DLG2: variants seen among roughly 807,000 people sequenced by gnomAD.
DLG2 encodes the protein disks large homolog 2.
DLG2 carries 45 observed loss-of-function variants against 132.5 expected under a neutral mutation model. The ratio of observed to expected loss-of-function variants is 0.34; its 90% CI spans 0.27 to 0.44. The LOEUF (loss-of-function observed/expected upper bound fraction) is 0.44. DLG2 is among the 20% of genes least tolerant of loss of function. DLG2 has a pLI of 1.00. For missense variants in DLG2, 1,045 were observed against 1,196.9 expected (o/e 0.87, Z 1.87); for synonymous variants, 424 against 419.6 (o/e 1.01, Z -0.13).
At chr11:83,575,490 A>AACCACTCTTGAGTATTTAGCAGAGTAC (rs2096860284) in intron 19 of DLG2, among the ~76,000 whole-genome samples, 1 of 152,182 alleles carries the variant, frequency 6.6e-6, no homozygotes, top group Non-Finnish European at 1.5e-5. Context: ...ATATGCTGAG[A>AACCACTCTTGAGTATTTAGCAGAGTAC]ACCACTCTTG....
rs140865557 is a variant in DLG2 at position 84,466,204 on chromosome 11, T to C, written c.519+68366A>G. On this transcript the variant is annotated intron_variant, in intron 7 of 27. Coordinates refer to ENST00000376104, the MANE Select transcript of DLG2 (RefSeq NM_001142699.3). ...TCTCCAAATGCATCATAGAATTGGA[T>C]GTTAAATAAAGGAAAATGTACAAGT... 7.9e-4 allele frequency among the ~76,000 whole-genome samples: 120 copies of C among 151,296 alleles called. 1 individual carries two copies. The highest frequency in any genetic ancestry group is 2.8e-3 in the African/African-American group (115 of 41,450).
chr11:83,459,840 A>G lies in DLG2; in HGVS notation c.2906T>C (p.Ile969Thr). The G allele has an allele frequency of 6.2e-7, 1 of 1,607,560 alleles. No individual in the cohort carries two copies. Among genetic ancestry groups the G allele is most frequent in the South Asian group, 1.1e-5 (1 of 90,940 alleles). The change falls in exon 28 of 28, where the codon ATT becomes ACT. Residue 969 changes from isoleucine to threonine, a missense_variant. Transcript: ENST00000376104. Reference sequence around the variant, plus strand: ...AATTTATAACTTTTCCTTTGAGGGAATCCAGATGAAAGGCCCAGATTGCTC... The same window carrying G: ...AATTTATAACTTTTCCTTTGAGGGAGTCCAGATGAAAGGCCCAGATTGCTC... ...IEEQSGPFIW[I>T]PSKEKL
chr11:83,702,521 G>T (rs2083142224), intron 18 of DLG2, among the ~76,000 whole-genome samples: 1 of 152,188 alleles, frequency 6.6e-6, no homozygotes, highest in African/African-American at 2.4e-5. Context: ...GATTTACATG[G>T]CAGGCTTGGG....
intron 18 of DLG2, among the ~76,000 whole-genome samples, chr11:83,758,651 T>C (rs1216130669): frequency 6.6e-6 from 1 of 152,140 alleles, no homozygotes; most frequent in Non-Finnish European, 1.5e-5. Flanking sequence ...CTCATAGGCA[T>C]GCTTTGAGAT....
intron 7 of DLG2, among the ~76,000 whole-genome samples, chr11:84,523,334 T>C (rs1389275059): frequency 1.3e-5 from 2 of 152,134 alleles, no homozygotes; most frequent in African/African-American, 4.8e-5. Context: ...AGTTAATAGA[T>C]TTACTAATAG....
intron 3 of DLG2, among the ~76,000 whole-genome samples, chr11:85,379,899 T>C (rs2085735483): frequency 6.6e-6 from 1 of 152,226 alleles, no homozygotes; most frequent in Non-Finnish European, 1.5e-5. Flanking sequence ...CTGTTTCTCT[T>C]TTTTTATATG....
At chr11:85,609,789 G>A (rs1440763098) in intron 2 of DLG2, among the ~76,000 whole-genome samples, 7 of 152,126 alleles carry the variant, frequency 4.6e-5, no homozygotes, top group Non-Finnish European at 7.4e-5. Context: ...ACACTGGTGC[G>A]GCCTTCTCAG....
At chr11:84,763,101 A>C (rs1052612709) in intron 6 of DLG2, among the ~76,000 whole-genome samples, 16 of 152,182 alleles carry the variant, frequency 1.1e-4, no homozygotes, top group African/African-American at 3.9e-4. Context: ...CTCCTATGCA[A>C]CTTTCAGGAC....
At position 83,942,524 on chromosome 11, in the gene DLG2, T is replaced by C. The variant is rs189555957; in HGVS notation, c.1341-12041A>G. On this transcript the variant is annotated intron_variant, in intron 14 of 27. Coordinates refer to ENST00000376104, the MANE Select transcript of DLG2 (RefSeq NM_001142699.3). ...ATTTTTATTTGCTCCCACTATTTCATGTTTTCTAAATGACATTAAGAATTA... is the reference window on the plus strand; with the variant it reads ...ATTTTTATTTGCTCCCACTATTTCACGTTTTCTAAATGACATTAAGAATTA... 2.7e-3 allele frequency among the ~76,000 whole-genome samples: 416 copies of C among 152,304 alleles called. 6 individuals are homozygous for C. Among genetic ancestry groups the C allele is most frequent in the Admixed American group, 0.025 (387 of 15,286 alleles).
chr11:83,700,526 A>C (rs2082738740), intron 18 of DLG2, among the ~76,000 whole-genome samples: 1 of 152,232 alleles, frequency 6.6e-6, no homozygotes, highest in Non-Finnish European at 1.5e-5. Context: ...AATGTAGAGA[A>C]TCAAAATCCA....
intron 6 of DLG2, among the ~76,000 whole-genome samples, chr11:85,063,266 T>C (rs1410945506): frequency 6.6e-6 from 1 of 151,874 alleles, no homozygotes; most frequent in Non-Finnish European, 1.5e-5. Flanking sequence ...TTGAGTGTTC[T>C]CTAATAAGTT....
At chr11:83,707,272 G>A (rs1244771603) in intron 18 of DLG2, among the ~76,000 whole-genome samples, 3 of 152,276 alleles carry the variant, frequency 2.0e-5, no homozygotes, top group South Asian at 4.1e-4. Context: ...GCCCTTAGGA[G>A]TTCCTGTTTC....
At chr11:83,616,078 T>C (rs894345176) in intron 19 of DLG2, among the ~76,000 whole-genome samples, 3 of 152,204 alleles carry the variant, frequency 2.0e-5, no homozygotes, top group African/African-American at 7.2e-5. Context: ...TATCTGCTAT[T>C]ATTGATTTTC....
intron 7 of DLG2, among the ~76,000 whole-genome samples, chr11:84,400,813 G>A (rs1409078673): frequency 3.3e-5 from 5 of 151,930 alleles, no homozygotes; most frequent in Non-Finnish European, 7.4e-5. Flanking sequence ...GATTATAGTT[G>A]TGTATTTTTT....
chr11:85,266,164 C>A (rs538746319), intron 4 of DLG2, among the ~76,000 whole-genome samples: 1 of 152,178 alleles, frequency 6.6e-6, no homozygotes, highest in East Asian at 1.9e-4. Context: ...GAGTCATGGG[C>A]CCCCCAACCT....
chr11:83,604,421 G>A (rs2153385130), intron 19 of DLG2, among the ~76,000 whole-genome samples: 2 of 152,184 alleles, frequency 1.3e-5, no homozygotes, highest in Middle Eastern at 3.4e-3. Context: ...CATATTTTTG[G>A]TCAACTCATC....
intron 6 of DLG2, among the ~76,000 whole-genome samples, chr11:85,057,990 T>A (rs918500087): frequency 2.0e-5 from 3 of 151,494 alleles, no homozygotes; most frequent in African/African-American, 7.2e-5. Context: ...TGTGAAATAT[T>A]AGAATATTCT....
In DLG2 at chr11:85,426,370, C is replaced by A. The variant is rs556429108; in HGVS notation, c.41-141005G>T. 2.6e-5 allele frequency among the ~76,000 whole-genome samples: 4 copies of A among 152,280 alleles called. No individual in the cohort carries two copies. In the South Asian group the frequency reaches 8.3e-4, roughly 32 times the overall value. ...ACCCCTGAGTAGCCTAACTGGGAGG[C>A]ACCCCCCAGTAGGGGCAGACTGACA... On this transcript the variant is annotated intron_variant, in intron 3 of 27. Coordinates refer to ENST00000376104, the MANE Select transcript of DLG2 (RefSeq NM_001142699.3).
intron 4 of DLG2, among the ~76,000 whole-genome samples, chr11:85,169,785 A>G (rs1007187479): frequency 6.6e-6 from 1 of 152,198 alleles, no homozygotes; most frequent in African/African-American, 2.4e-5. Flanking sequence ...AGCTTCAGAT[A>G]AAGAACCTTC....
Sources: gnomAD v4.1 joint callset for allele counts (sites outside exome capture counted in the v4.1 genomes callset) on GRCh38, gnomAD v4.1.1 for gene constraint, MANE v1.5 for transcripts, NCBI Gene and HGNC (gene_info 2026-07-23, HGNC 2026-07-21) for gene names.